Variants in SOX6 observed in about 807,000 individuals in gnomAD.
The protein encoded by SOX6 is transcription factor SOX-6.
In SOX6, 11 loss-of-function variants were observed where a neutral mutation model predicts 97.8. The ratio of observed to expected loss-of-function variants is 0.11; its 90% CI spans 0.07 to 0.19. The LOEUF (loss-of-function observed/expected upper bound fraction) is 0.19, where lower values mean the gene tolerates loss of function less well. Ranked by LOEUF, SOX6 falls within the 10% of genes least tolerant of loss-of-function variation. SOX6 has a pLI of 1.00. For synonymous variants in SOX6, 360 were observed against 371.4 expected (o/e 0.97, Z 0.35); for missense variants, 810 against 1,039.5 (o/e 0.78, Z 3.04).
At chr11:16,561,284 G>A (rs1353448943) in intron 4 of SOX6, among the ~76,000 whole-genome samples, 4 of 152,022 alleles carry the variant, frequency 2.6e-5, no homozygotes. Context: ...ACTGCCTCTG[G>A]GCACCACAGT....
At chr11:16,093,716 T>C (rs1397852023) in intron 9 of SOX6, among the ~76,000 whole-genome samples, 1 of 151,964 alleles carries the variant, frequency 6.6e-6, no homozygotes, top group Non-Finnish European at 1.5e-5. Context: ...CATGATCATG[T>C]TTCTTGACAT....
chr11:16,390,543 T>C (rs1858142345), intron 1 of SOX6, among the ~76,000 whole-genome samples: 1 of 152,204 alleles, frequency 6.6e-6, no homozygotes, highest in Non-Finnish European at 1.5e-5. Context: ...AATGATACCA[T>C]GCTTTTTCAC....
At chr11:16,403,713 T>C (rs1435274126) in intron 1 of SOX6, among the ~76,000 whole-genome samples, 1 of 151,744 alleles carries the variant, frequency 6.6e-6, no homozygotes, top group Admixed American at 6.6e-5. Flanking sequence ...ATAAAGCTCA[T>C]TAATCACTGA....
At chr11:16,143,238 A>G (rs1272020934) in intron 6 of SOX6, among the ~76,000 whole-genome samples, 1 of 152,168 alleles carries the variant, frequency 6.6e-6, no homozygotes, top group African/African-American at 2.4e-5. Context: ...AGAATTCCAT[A>G]TCCAGCCAAA....
chr11:16,041,348 T>C (rs1363830147), intron 12 of SOX6, among the ~76,000 whole-genome samples: 2 of 152,126 alleles, frequency 1.3e-5, no homozygotes, highest in African/African-American at 4.8e-5. Flanking sequence ...GCTATGGTAA[T>C]TGACAATGCG....
At chr11:16,635,785 C>G (rs1406814684) in intron 3 of SOX6, among the ~76,000 whole-genome samples, 1 of 152,166 alleles carries the variant, frequency 6.6e-6, no homozygotes, top group Non-Finnish European at 1.5e-5. Context: ...GAATCCCAGC[C>G]ACTCCAGCTG....
chr11:16,161,726 C>T (rs1050009807), intron 6 of SOX6, among the ~76,000 whole-genome samples: 4 of 152,090 alleles, frequency 2.6e-5, no homozygotes, highest in African/African-American at 9.7e-5. Context: ...TTTCTTCTGT[C>T]CTTTGACATA....
Position 16,296,803 on chromosome 11 carries a change from C to T in SOX6, c.445+21643G>A, listed in dbSNP as rs573602053. On this transcript the variant is annotated intron_variant, in intron 3 of 15. Coordinates refer to ENST00000683767, the MANE Select transcript of SOX6 (RefSeq NM_001367873.1). ...TAGGTACTCATTCTTCTCTTAAAAACCTTAGAAGTTAGGTCTATTCCACTA... is the reference window on the plus strand; with the variant it reads ...TAGGTACTCATTCTTCTCTTAAAAATCTTAGAAGTTAGGTCTATTCCACTA... 1.6e-4 allele frequency among the ~76,000 whole-genome samples: 25 copies of T among 152,024 alleles called. 1 individual carries two copies. In the Middle Eastern group the frequency reaches 0.01, roughly 62 times the overall value.
chr11:16,692,831 TAG>T lies in SOX6; in HGVS notation n.429+21997_429+21998del, dbSNP rs1285069743. Among the ~76,000 whole-genome samples, 151 of 152,350 alleles carry T rather than the reference TAG, an allele frequency of 9.9e-4. 1 individual carries two copies. The highest frequency in any genetic ancestry group is 7.2e-4 in the Non-Finnish European group (49 of 68,020). On this transcript the variant is annotated intron_variant and non_coding_transcript_variant, in intron 3 of 5. Coordinates refer to the SOX6 transcript ENST00000524520. ...ATATAGTGAGCATTTTTCATTTTATTAGAGATTGTTTATAAACACTATTTTAT... is the reference window on the plus strand; with the variant it reads ...ATATAGTGAGCATTTTTCATTTTATTAGATTGTTTATAAACACTATTTTAT...
At chr11:16,093,784 C>T (rs1848739689) in intron 9 of SOX6, among the ~76,000 whole-genome samples, 1 of 151,914 alleles carries the variant, frequency 6.6e-6, no homozygotes, top group African/African-American at 2.4e-5. Flanking sequence ...GAAAAGAAAG[C>T]AGATTTAAAT....
At chr11:16,192,750 A>G (rs1028832795) in intron 4 of SOX6, among the ~76,000 whole-genome samples, 2 of 152,236 alleles carry the variant, frequency 1.3e-5, no homozygotes, top group Non-Finnish European at 2.9e-5. Flanking sequence ...GAAAAATTAA[A>G]ATAAAAAATT....
chr11:16,511,296 G>A (rs547946180), intron 4 of SOX6, among the ~76,000 whole-genome samples: 3 of 152,142 alleles, frequency 2.0e-5, no homozygotes, highest in Non-Finnish European at 2.9e-5. Flanking sequence ...TCAGTCATCA[G>A]TGCTCCCACC....
At chr11:16,060,877 C>T (rs1273654895) in intron 9 of SOX6, among the ~76,000 whole-genome samples, 1 of 151,826 alleles carries the variant, frequency 6.6e-6, no homozygotes, top group African/African-American at 2.4e-5. Flanking sequence ...GCTTGATACA[C>T]TGTAAGCTCA....
chr11:16,448,360 T>C (rs1331727057), intron 1 of SOX6, among the ~76,000 whole-genome samples: 1 of 152,212 alleles, frequency 6.6e-6, no homozygotes, highest in Non-Finnish European at 1.5e-5. Context: ...CATCAAACTG[T>C]TATCTTGAAA....
chr11:15,974,437 T>G (rs1853409346), intron 15 of SOX6, among the ~76,000 whole-genome samples: 1 of 143,896 alleles, frequency 6.9e-6, no homozygotes, highest in African/African-American at 2.6e-5. Flanking sequence ...ATGTGCACAT[T>G]GTGCAGGTTA....
intron 1 of SOX6, among the ~76,000 whole-genome samples, chr11:16,461,814 A>G (rs1055352550): frequency 6.6e-6 from 1 of 152,178 alleles, no homozygotes; most frequent in Non-Finnish European, 1.5e-5. Flanking sequence ...CTCCTCTGCA[A>G]TAACAAATGT....
rs562925328 is a variant in SOX6, at chr11:16,343,473, A to G, written c.-4-2221T>C. Among the ~76,000 whole-genome samples the G allele has an allele frequency of 3.3e-5, 5 of 152,044 alleles. No individual in the cohort carries two copies. In the South Asian group the frequency reaches 1.0e-3, roughly 31 times the overall value. On this transcript the variant is annotated intron_variant, in intron 1 of 15. Coordinates refer to ENST00000683767, the MANE Select transcript of SOX6 (RefSeq NM_001367873.1). ...AAACTCAAAATGAAAACAGTCTCTT[A>G]AGAATAATTTCAACTATAAACTGCA...
chr11:16,169,579 T>G (rs2134081578), intron 6 of SOX6, among the ~76,000 whole-genome samples: 1 of 152,084 alleles, frequency 6.6e-6, no homozygotes, highest in Admixed American at 6.6e-5. Flanking sequence ...AACAGATGGA[T>G]TTTCTTCTAG....
rs189782635 is a variant in SOX6, at chr11:16,256,009, C to T, written c.446-21338G>A. 3.3e-5 allele frequency among the ~76,000 whole-genome samples: 5 copies of T among 152,096 alleles called. No homozygotes were observed. In the East Asian group the frequency reaches 9.7e-4, roughly 29 times the overall value. On this transcript the variant is annotated intron_variant, in intron 3 of 15. Transcript: ENST00000683767. ...TTGAAAGATACAATCTGCAACAATTCACACAAGAGAAACGACACAATCTGC... is the reference window on the plus strand; with the variant it reads ...TTGAAAGATACAATCTGCAACAATTTACACAAGAGAAACGACACAATCTGC...
Sources: allele counts gnomAD v4.1 joint callset (sites outside exome capture counted in the v4.1 genomes callset), GRCh38; gene constraint gnomAD v4.1.1; transcripts MANE v1.5; gene names NCBI Gene and HGNC (gene_info 2026-07-23, HGNC 2026-07-21).